The following KARS1 variants were observed in gnomAD, a reference collection of about 807,000 sequenced individuals.
KARS1 encodes lysyl-tRNA synthetase 1, also known as lysine--tRNA ligase.
KARS1 carries 50 observed loss-of-function variants against 63.9 expected under a neutral mutation model. That is an observed-to-expected ratio of 0.78 (90% CI 0.62 to 0.99). KARS1 has a LOEUF of 0.99. Ranked by LOEUF, KARS1 falls within the 50% of genes least tolerant of loss-of-function variation. KARS1 has a pLI of 0.00. For missense variants in KARS1, 816 were observed against 754.5 expected (o/e 1.08, Z -0.95); for synonymous variants, 320 against 264.6 (o/e 1.21, Z -2.03).
intron 6 of KARS1, 61 bp downstream of exon 6, chr16:75,635,619 G>A (rs1372900408): frequency 1.9e-5 from 31 of 1,591,156 alleles, no homozygotes; most frequent in African/African-American, 2.7e-5. Flanking sequence ...GGAAGGCAAG[G>A]GAGAGGAGGA....
intron 3 of KARS1, among the ~76,000 whole-genome samples, chr16:75,638,059 C>A (rs138251495): frequency 6.6e-6 from 1 of 152,062 alleles, no homozygotes; most frequent in African/African-American, 2.4e-5. Context: ...TTCAGGAAAA[C>A]TGATTTCATG....
chr16:75,632,966 G>T (rs2082128194), intron 7 of KARS1, among the ~76,000 whole-genome samples: 1 of 152,162 alleles, frequency 6.6e-6, no homozygotes, highest in Non-Finnish European at 1.5e-5. Flanking sequence ...GGCTTCCCCA[G>T]TTAAGTCTGT....
rs1453123471 is a variant in KARS1, at chr16:75,628,674, A to G, written c.1590T>C (p.Asp530=). ...AAGDDEAMFI[D]ENFCTALEYG... ...ATTCCAGGGCAGTACAGAAGTTTTCATCTATGAACATGGCCTCATCATCAC... is the reference window on the plus strand; with the variant it reads ...ATTCCAGGGCAGTACAGAAGTTTTCGTCTATGAACATGGCCTCATCATCAC... The change falls in exon 13 of 14, where the codon GAT becomes GAC. Residue 530 remains aspartate (D), a synonymous_variant. Coordinates refer to ENST00000302445, the MANE Select transcript of KARS1 (RefSeq NM_005548.3). 1.8e-5 allele frequency: 29 copies of G among 1,614,098 alleles called. No homozygotes were observed. Among genetic ancestry groups the G allele is most frequent in the Non-Finnish European group, 2.4e-5 (28 of 1,180,040 alleles).
intron 8 of KARS1, 31 bp downstream of exon 8, chr16:75,631,662 C>T: frequency 1.2e-6 from 2 of 1,613,940 alleles, no homozygotes; most frequent in South Asian, 1.1e-5. Context: ...ATACCAACCA[C>T]CCGATGAGTA....
At chr16:75,628,747 TTCTAAGATATCTCAGTG>T in intron 12 of KARS1, 35 bp from the exon 13 acceptor site, 1 of 1,612,524 alleles carries the variant, frequency 6.2e-7, no homozygotes, top group Non-Finnish European at 8.5e-7. Context: ...GGTGACCTTC[TTCTAAGATATCTCAGTG>T]TGTGAGTGAA....
chr16:75,632,859 C>T (rs1395638565), intron 7 of KARS1, among the ~76,000 whole-genome samples: 3 of 152,132 alleles, frequency 2.0e-5, no homozygotes, highest in African/African-American at 4.8e-5. Context: ...TTTGGAAGGC[C>T]GAAAGGTTAC....
In KARS1 at chr16:75,631,246, G is replaced by A. The variant is rs1209806755; in HGVS notation, c.1260C>T (p.Arg420=). 1 of 1,613,826 alleles carries A rather than the reference G, an allele frequency of 6.2e-7. No individual in the cohort carries two copies. The highest frequency in any genetic ancestry group is 8.5e-7 in the Non-Finnish European group (1 of 1,179,928). ...CCACACAGATATCATCAAGAATTTT[G>A]CGAGTTTCTGGGACACAAATGCAAA... ...ETNLFETEET[R]KILDDICVAK... is the part of the protein sequence containing the mutation. Residue 420 remains arginine, a synonymous_variant, in exon 10 of 14, where the codon CGC becomes CGT. Transcript: ENST00000302445.
chr16:75,634,191 A>G lies in KARS1; in HGVS notation c.897T>C (p.Ala299=), dbSNP rs1331571805. The change falls in exon 7 of 14, where the codon GCT becomes GCC. Residue 299 remains alanine (A), a synonymous_variant. Transcript: ENST00000302445. ...TGACTACCTTATGATAGAGTTCTGG[A>G]GCAATTCTCATATATAAGTTCATGT... ...ELDMNLYMRI[A]PELYHKMLVV... 5 of 1,613,876 alleles carry G rather than the reference A, an allele frequency of 3.1e-6. No homozygotes were observed. The highest frequency in any genetic ancestry group is 4.2e-6 in the Non-Finnish European group (5 of 1,179,902).
chr16:75,632,182 G>C (rs955587889), intron 7 of KARS1, among the ~76,000 whole-genome samples: 2 of 152,114 alleles, frequency 1.3e-5, no homozygotes, highest in Non-Finnish European at 2.9e-5. Flanking sequence ...GAGCCACCGC[G>C]CCCGGCCCCA....
At position 75,636,688 on chromosome 16, in the gene KARS1, C is replaced by G. The variant is rs1277328329; in HGVS notation, c.389-141G>C. On this transcript the variant is annotated intron_variant, in intron 3 of 13. Coordinates refer to ENST00000302445, the MANE Select transcript of KARS1 (RefSeq NM_005548.3). The stretch of plus-strand genomic sequence containing the variant: ...TTGCTCTGTTGCCCAGGCTGGAGTG[C>G]AGTGGCACGATCTCAGCTCAATGCA... 4 of 581,188 alleles carry G rather than the reference C, an allele frequency of 6.9e-6. No individual in the cohort carries two copies. The East Asian group carries it at 1.2e-4, about 18-fold the overall frequency. The allele number at this position is 581,188 out of a possible 1,614,324, so 36.0% of individuals were successfully genotyped here.
chr16:75,636,792 C>A (rs189648196), intron 3 of KARS1, among the ~76,000 whole-genome samples: 4 of 151,852 alleles, frequency 2.6e-5, no homozygotes, highest in Admixed American at 2.6e-4. Flanking sequence ...CACCACCACA[C>A]TCGGCTAATT....
chr16:75,639,566 T>C (rs369366364), intron 3 of KARS1, among the ~76,000 whole-genome samples: 3 of 90,998 alleles, frequency 3.3e-5, no homozygotes, highest in African/African-American at 5.0e-5. Flanking sequence ...AGTGAGACTA[T>C]ATCTCAAAAA....
chr16:75,640,001 T>C (rs772831005), intron 3 of KARS1, 183 bp downstream of exon 3: 2 of 618,512 alleles, frequency 3.2e-6, no homozygotes, highest in South Asian at 1.9e-5. Context: ...ATCTGGAATA[T>C]GATTCCATGT....
In KARS1 at chr16:75,640,724, C is replaced by G. The variant is rs186721059; in HGVS notation, c.223-375G>C. Among the ~76,000 whole-genome samples, 154 of 152,298 alleles carry G rather than the reference C, an allele frequency of 1.0e-3. 1 individual carries two copies. The highest frequency in any genetic ancestry group is 6.8e-3 in the Middle Eastern group (2 of 294). On this transcript the variant is annotated intron_variant, in intron 2 of 13. Transcript: ENST00000302445. ...TTCTTAACTACTCTCCTACCTCTGG[C>G]GACACATCAGACTTTTCCCCAAGGC...
intron 3 of KARS1, among the ~76,000 whole-genome samples, chr16:75,637,612 C>G (rs1000774581): frequency 5.3e-5 from 8 of 151,452 alleles, no homozygotes; most frequent in Admixed American, 3.9e-4. Context: ...CCTGTCTCTA[C>G]TAAAAAAAAA....
In KARS1 at chr16:75,628,012, T is replaced by A. The variant is rs766411635; in HGVS notation, c.1696-19A>T. Reference sequence around the variant, plus strand: ...GTACTTCCTGTGGGAGATAAGAATGTACCTTGAAGCTGAGAAGCACTCTCA... The same window carrying A: ...GTACTTCCTGTGGGAGATAAGAATGAACCTTGAAGCTGAGAAGCACTCTCA... On this transcript the variant is annotated intron_variant, in intron 13 of 13. Transcript: ENST00000302445. The A allele has an allele frequency of 7.0e-7, 1 of 1,435,550 alleles. No individual in the cohort carries two copies. Among genetic ancestry groups the A allele is most frequent in the South Asian group, 1.1e-5 (1 of 87,524 alleles). 88.9% of individuals were successfully genotyped at this position (1,435,550 alleles called of 1,614,324 possible). A position where few individuals can be genotyped will look rare whatever the true frequency, so the allele number is the denominator to read the frequency against.
At chr16:75,640,514 C>T (rs1027196946) in intron 2 of KARS1, among the ~76,000 whole-genome samples, 165 bp from the exon 3 acceptor site, 44 of 152,308 alleles carry the variant, frequency 2.9e-4, no homozygotes, top group African/African-American at 9.9e-4. Flanking sequence ...GAGATTTGCA[C>T]TTAAAATATG....
intron 11 of KARS1, 85 bp from the exon 12 acceptor site, chr16:75,629,626 G>T: frequency 7.1e-7 from 1 of 1,416,942 alleles, no homozygotes; most frequent in Non-Finnish European, 9.8e-7. Context: ...TTGAGACGGA[G>T]TCTCGCTCTG....
At chr16:75,630,556 T>G in intron 10 of KARS1, 48 bp from the exon 11 acceptor site, 1 of 1,203,538 alleles carries the variant, frequency 8.3e-7, no homozygotes, top group Non-Finnish European at 1.2e-6. Flanking sequence ...TGAATAGTAT[T>G]TGATCGTCCC....
Sources: gnomAD v4.1 joint callset for allele counts (sites outside exome capture counted in the v4.1 genomes callset) on GRCh38, gnomAD v4.1.1 for gene constraint, MANE v1.5 for transcripts, NCBI Gene and HGNC (gene_info 2026-07-23, HGNC 2026-07-21) for gene names.